EYS: variants seen among roughly 807,000 people sequenced by gnomAD.
The protein encoded by EYS is protein eyes shut homolog.
In EYS, 250 loss-of-function variants were observed where a neutral mutation model predicts 282.1. That is an observed-to-expected ratio of 0.89 (90% CI 0.80 to 0.98). EYS has a LOEUF of 0.98. Ranked by LOEUF, EYS falls within the 50% of genes least tolerant of loss-of-function variation. The pLI is 0.00. For missense variants in EYS, 4,016 were observed against 3,709.0 expected, an observed-to-expected ratio of 1.08 and a Z score of -2.15; for synonymous variants, 1,355 against 1,282.9, an observed-to-expected ratio of 1.06 and a Z score of -1.20.
rs1383992184 is a variant in EYS, at chr6:64,593,253, A to G, written c.3741T>C (p.Thr1247=). The part of the protein sequence containing the change: ...GDEIRRITCL[T]PIFQRTDPIS... ...TGGGATCTGTTCTTTGAAAGATGGG[A>G]GTTAAACAGGTAATTCTCCTTATTT... The change falls in exon 25 of 43, where the codon ACT becomes ACC. Residue 1247 remains threonine, a synonymous_variant. Coordinates refer to ENST00000503581, the MANE Select transcript of EYS (RefSeq NM_001142800.2). 1 of 1,550,654 alleles carries G rather than the reference A, an allele frequency of 6.4e-7. No homozygotes were observed. The highest frequency in any genetic ancestry group is 1.4e-5 in the African/African-American group (1 of 73,070).
intron 31 of EYS, among the ~76,000 whole-genome samples, chr6:64,085,340 G>GCGCGCACACA (rs112388321): frequency 3.5e-4 from 49 of 139,886 alleles, no homozygotes; most frequent in African/African-American, 7.6e-4. Flanking sequence ...ACGTGCGCGC[G>GCGCGCACACA]CACACACACA....
intron 2 of EYS, among the ~76,000 whole-genome samples, chr6:65,504,902 A>G (rs1401332634): frequency 6.6e-6 from 1 of 151,700 alleles, no homozygotes; most frequent in Non-Finnish European, 1.5e-5. Context: ...TACTTTTGGA[A>G]TTAGGGTAAT....
At chr6:63,791,464 G>C (rs1478131767) in intron 37 of EYS, among the ~76,000 whole-genome samples, 3 of 151,836 alleles carry the variant, frequency 2.0e-5, no homozygotes, top group African/African-American at 7.3e-5. Context: ...TGTAGTTCCA[G>C]CTATTCAGGA....
chr6:64,021,228 T>C (rs1769175890), intron 33 of EYS, among the ~76,000 whole-genome samples: 1 of 152,172 alleles, frequency 6.6e-6, no homozygotes, highest in Admixed American at 6.5e-5. Context: ...TTCTTTTTCT[T>C]TCCATCACAA....
intron 18 of EYS, among the ~76,000 whole-genome samples, chr6:64,892,040 C>T (rs1358658862): frequency 1.3e-5 from 2 of 151,842 alleles, no homozygotes; most frequent in African/African-American, 4.8e-5. Context: ...TGCATTTTAA[C>T]AGTGACTTCT....
intron 41 of EYS, among the ~76,000 whole-genome samples, chr6:63,743,776 A>G (rs1769142711): frequency 6.6e-6 from 1 of 152,220 alleles, no homozygotes; most frequent in Non-Finnish European, 1.5e-5. Context: ...ACATTTGAGT[A>G]TTCTTCAAAG....
intron 34 of EYS, among the ~76,000 whole-genome samples, chr6:63,987,926 C>T (rs1198141015): frequency 6.6e-6 from 1 of 151,434 alleles, no homozygotes; most frequent in Non-Finnish European, 1.5e-5. Flanking sequence ...TCTCCATGAC[C>T]CGTAACAGGT....
chr6:64,678,976 C>A (rs755622045), intron 22 of EYS, among the ~76,000 whole-genome samples: 42 of 149,462 alleles, frequency 2.8e-4, no homozygotes, highest in South Asian at 8.5e-4. Context: ...GATAGAGACT[C>A]CCTCTCAAAA....
intron 29 of EYS, among the ~76,000 whole-genome samples, chr6:64,363,112 G>A (rs1046210893): frequency 1.3e-5 from 2 of 151,560 alleles, no homozygotes; most frequent in Non-Finnish European, 2.9e-5. Context: ...ACAGGTGTAT[G>A]TGGGCTAGAC....
At chr6:63,754,626 A>G (rs1241051917) in intron 41 of EYS, among the ~76,000 whole-genome samples, 1 of 152,100 alleles carries the variant, frequency 6.6e-6, no homozygotes, top group Non-Finnish European at 1.5e-5. Context: ...AGTCTTTGCT[A>G]TTGTGAATAG....
chr6:64,837,667 GAT>G (rs199883144), intron 19 of EYS, among the ~76,000 whole-genome samples: 57 of 109,382 alleles, frequency 5.2e-4, no homozygotes, highest in African/African-American at 1.3e-3. Context: ...ATATGTATAT[GAT>G]ATATATATAT....
chr6:64,743,929 C>A (rs78560317), intron 22 of EYS, among the ~76,000 whole-genome samples: 5,831 of 152,148 alleles, frequency 0.038, 264 homozygotes, highest in East Asian at 0.15. Flanking sequence ...TTACATTACT[C>A]TAAAATAGAG....
chr6:65,400,991 C>T (rs758060950), intron 7 of EYS, among the ~76,000 whole-genome samples: 4 of 151,884 alleles, frequency 2.6e-5, no homozygotes, highest in Admixed American at 6.6e-5. Flanking sequence ...GCATCACTTA[C>T]GACTTGATTG....
intron 28 of EYS, among the ~76,000 whole-genome samples, chr6:64,431,439 C>T (rs1774572207): frequency 6.6e-6 from 1 of 152,052 alleles, no homozygotes; most frequent in Non-Finnish European, 1.5e-5. Flanking sequence ...TGTGAAAACC[C>T]AATTTAATCC....
chr6:64,719,905 A>G (rs1028192609), intron 22 of EYS, among the ~76,000 whole-genome samples: 9 of 152,166 alleles, frequency 5.9e-5, no homozygotes, highest in Non-Finnish European at 1.3e-4. Context: ...CATCTCGAAA[A>G]TAAATAAATA....
chr6:63,947,269 T>A (rs1410391631), intron 35 of EYS, among the ~76,000 whole-genome samples: 1 of 152,094 alleles, frequency 6.6e-6, no homozygotes, highest in Non-Finnish European at 1.5e-5. Flanking sequence ...AAGCATTCAG[T>A]CTTTTTGTAT....
At chr6:63,987,725 C>A (rs914783452) in intron 34 of EYS, among the ~76,000 whole-genome samples, 2 of 151,392 alleles carry the variant, frequency 1.3e-5, no homozygotes, top group African/African-American at 4.8e-5. Flanking sequence ...ATTACAGATA[C>A]AATAAAATGG....
intron 22 of EYS, among the ~76,000 whole-genome samples, chr6:64,788,033 A>G (rs1018099288): frequency 1.2e-4 from 18 of 151,972 alleles, no homozygotes; most frequent in African/African-American, 3.9e-4. Context: ...TGTTTCCTAC[A>G]TTGCTTACAA....
intron 35 of EYS, among the ~76,000 whole-genome samples, chr6:63,947,858 CAG>C (rs1322217334): frequency 6.6e-6 from 1 of 152,114 alleles, no homozygotes; most frequent in Non-Finnish European, 1.5e-5. Context: ...GTTGTGAAAA[CAG>C]AGCTGTTTCA....
Sources: gnomAD v4.1 joint callset for allele counts (sites outside exome capture counted in the v4.1 genomes callset) on GRCh38, gnomAD v4.1.1 for gene constraint, MANE v1.5 for transcripts, NCBI Gene and HGNC (gene_info 2026-07-23, HGNC 2026-07-21) for gene names.